Variants in ARHGEF28 observed in about 807,000 individuals in gnomAD.
ARHGEF28 encodes the protein 190 kDa guanine nucleotide exchange factor.
A neutral mutation model predicts 206.6 loss-of-function variants in ARHGEF28; 152 were observed. The observed-to-expected ratio is 0.74, with a 90% CI of 0.64 to 0.84. ARHGEF28 has a LOEUF of 0.84. Among genes scored for constraint, ARHGEF28 ranks in the 40% least tolerant of loss-of-function variants. ARHGEF28 has a pLI of 0.00. For synonymous variants in ARHGEF28, 763 were observed against 776.4 expected (o/e 0.98, Z 0.29); for missense variants, 2,028 against 2,073.2 (o/e 0.98, Z 0.42).
intron 1 of ARHGEF28, among the ~76,000 whole-genome samples, chr5:73,680,070 C>T (rs1746966106): frequency 6.6e-6 from 1 of 152,090 alleles, no homozygotes; most frequent in Non-Finnish European, 1.5e-5. Context: ...TTTAAAACTT[C>T]TTATAAGAGC....
intron 6 of ARHGEF28, among the ~76,000 whole-genome samples, chr5:73,777,324 T>C (rs1348200707): frequency 2.0e-5 from 3 of 152,174 alleles, no homozygotes; most frequent in African/African-American, 4.8e-5. Flanking sequence ...CAAGGTGTTA[T>C]TTTGAGTAAG....
intron 2 of ARHGEF28, among the ~76,000 whole-genome samples, chr5:73,722,606 T>A (rs1299208778): frequency 6.6e-6 from 1 of 152,252 alleles, no homozygotes; most frequent in Non-Finnish European, 1.5e-5. Context: ...TGGATATTCT[T>A]ACTCCTATTT....
At chr5:73,922,998 T>C (rs1763601454) in intron 35 of ARHGEF28, 2 of 1,236,014 alleles carry the variant, frequency 1.6e-6, no homozygotes, top group Non-Finnish European at 2.3e-6. Context: ...GGCATGGAAA[T>C]TGGAGGGAAA....
intron 10 of ARHGEF28, among the ~76,000 whole-genome samples, chr5:73,839,946 C>A (rs901687886): frequency 2.0e-5 from 3 of 152,098 alleles, no homozygotes; most frequent in Admixed American, 6.5e-5. Flanking sequence ...TTAGTTTTCT[C>A]CTCAAGTATT....
intron 9 of ARHGEF28, among the ~76,000 whole-genome samples, chr5:73,805,095 A>G (rs1049432047): frequency 6.6e-6 from 1 of 152,214 alleles, no homozygotes; most frequent in African/African-American, 2.4e-5. Context: ...GTAATAATCA[A>G]ATACTACTTT....
intron 20 of ARHGEF28, 128 bp from the exon 21 acceptor site, chr5:73,869,941 T>G: frequency 3.7e-6 from 4 of 1,074,284 alleles, no homozygotes; most frequent in Non-Finnish European, 4.0e-6. Context: ...TGTTAATATG[T>G]TTTGGTTTAG....
rs1342521828 is a variant in ARHGEF28 at position 73,911,497 on chromosome 5, C to T, written c.4870C>T (p.His1624Tyr). ...CCCTTCTCAGCCTTCGAATGTCAGT[C>T]ACAAACTGTGGACAGCCGCTGGTTC... ...VDPSQPSNVS[H>Y]KLWTAAGSGH... The change falls in exon 35 of 36, where the codon CAC (histidine) becomes TAC (tyrosine). Residue 1624 changes from histidine to tyrosine, a missense_variant. Around this residue, in one of 3 missense-constraint regions of ARHGEF28, gnomAD observed 803 missense variants for 768.0 expected, o/e 1.05. Coordinates refer to ENST00000513042, the MANE Select transcript of ARHGEF28 (RefSeq NM_001177693.2). 3 of 1,613,852 alleles carry T rather than the reference C, an allele frequency of 1.9e-6. No homozygotes were observed. The highest frequency in any genetic ancestry group is 1.7e-6 in the Non-Finnish European group (2 of 1,179,832).
intron 4 of ARHGEF28, among the ~76,000 whole-genome samples, chr5:73,763,579 G>T (rs1409970764): frequency 6.6e-6 from 1 of 152,160 alleles, no homozygotes; most frequent in Non-Finnish European, 1.5e-5. Flanking sequence ...ACAGAACAGG[G>T]TCCCTGGAGA....
intron 9 of ARHGEF28, among the ~76,000 whole-genome samples, chr5:73,796,350 G>A (rs1330992744): frequency 6.6e-6 from 1 of 152,194 alleles, no homozygotes; most frequent in Non-Finnish European, 1.5e-5. Flanking sequence ...AAGGGGTGAG[G>A]TGTTGCTGAT....
chr5:73,926,674 A>G (rs1763830124), intron 35 of ARHGEF28, among the ~76,000 whole-genome samples: 1 of 152,170 alleles, frequency 6.6e-6, no homozygotes, highest in Admixed American at 6.5e-5. Context: ...TTCAAGGCTC[A>G]GTTCATGTGC....
At chr5:73,737,760 G>T (rs1042241517) in intron 2 of ARHGEF28, among the ~76,000 whole-genome samples, 1 of 151,896 alleles carries the variant, frequency 6.6e-6, no homozygotes, top group African/African-American at 2.4e-5. Context: ...CAGGTGATCC[G>T]CCTGCCTCGG....
At position 73,828,839 on chromosome 5, in the gene ARHGEF28, C is replaced by G. The variant is rs568994016; in HGVS notation, c.1025-3499C>G. On this transcript the variant is annotated intron_variant, in intron 9 of 35. Transcript: ENST00000513042. ...CCTTTTTCCTTTTTCTTCTTTGAGACAGGGTGTTACTTATTCTGTCGTCCA... is the reference window on the plus strand; with the variant it reads ...CCTTTTTCCTTTTTCTTCTTTGAGAGAGGGTGTTACTTATTCTGTCGTCCA... Among the ~76,000 whole-genome samples, 61 of 151,282 alleles carry G rather than the reference C, an allele frequency of 4.0e-4. 1 individual carries two copies. The South Asian group carries it at 0.013, about 31-fold the overall frequency.
At chr5:73,786,457 C>G (rs1447178750) in intron 7 of ARHGEF28, 2 of 152,304 alleles carry the variant, frequency 1.3e-5, no homozygotes, top group South Asian at 4.1e-4. Flanking sequence ...CTAGAGTTCT[C>G]TCAGCATTTG....
intron 9 of ARHGEF28, among the ~76,000 whole-genome samples, chr5:73,819,255 C>T (rs532033240): frequency 5.2e-4 from 79 of 152,274 alleles, no homozygotes; most frequent in African/African-American, 1.9e-3. Context: ...GTTAGTTTTG[C>T]GTGCTTAGTA....
At chr5:73,682,847 G>A (rs1235723038) in intron 1 of ARHGEF28, among the ~76,000 whole-genome samples, 3 of 152,226 alleles carry the variant, frequency 2.0e-5, no homozygotes, top group Admixed American at 2.0e-4. Context: ...GGCGGAGGTT[G>A]CAGAGCCAGG....
intron 22 of ARHGEF28, among the ~76,000 whole-genome samples, chr5:73,875,686 C>G (rs1166018888): frequency 6.6e-6 from 1 of 151,390 alleles, no homozygotes; most frequent in East Asian, 1.9e-4. Flanking sequence ...AATCCTTTCC[C>G]CATTGCTTGT....
chr5:73,813,606 C>A, intron 9 of ARHGEF28: 1 of 1,535,810 alleles, frequency 6.5e-7, no homozygotes, highest in South Asian at 1.2e-5. Context: ...CTGACTCCGA[C>A]TCACCTTTTA....
chr5:73,834,397 T>G (rs1029847814), intron 10 of ARHGEF28, among the ~76,000 whole-genome samples: 2 of 152,198 alleles, frequency 1.3e-5, no homozygotes, highest in Admixed American at 6.5e-5. Flanking sequence ...GAGTTTGACA[T>G]TTTTACATTC....
intron 13 of ARHGEF28, among the ~76,000 whole-genome samples, chr5:73,850,851 A>G (rs189302020): frequency 8.8e-4 from 134 of 152,296 alleles, no homozygotes; most frequent in African/African-American, 2.8e-3. Context: ...TTTAGACGGT[A>G]TATTTAAAGA....
Sources: allele counts gnomAD v4.1 joint callset (sites outside exome capture counted in the v4.1 genomes callset), GRCh38; gene constraint gnomAD v4.1.1; regional missense constraint gnomAD v4.1.1; transcripts MANE v1.5; gene names NCBI Gene and HGNC (gene_info 2026-07-23, HGNC 2026-07-21).